ADRM1: variants seen among roughly 807,000 people sequenced by gnomAD.
ADRM1 encodes proteasomal ubiquitin receptor ADRM1.
In ADRM1, 2 loss-of-function variants were observed where a neutral mutation model predicts 40.1. The ratio of observed to expected loss-of-function variants is 0.05; its 90% CI spans 0.02 to 0.16. ADRM1 has a LOEUF of 0.16. Among genes scored for constraint, ADRM1 ranks in the 10% least tolerant of loss-of-function variants. ADRM1 has a pLI of 1.00. For missense variants in ADRM1, 467 were observed against 552.5 expected (o/e 0.85, Z 1.55); for synonymous variants, 287 against 240.4 (o/e 1.19, Z -1.79).
In ADRM1 at chr20:62,308,461, A is replaced by G. The variant is rs756841363; in HGVS notation, c.1108A>G (p.Asn370Asp). The stretch of plus-strand genomic sequence containing the variant: ...GCCTGCAGAGGCTGTGGAGGCCGCC[A>G]ACAAGGGCGGTAAGTGGCTGCGCCT... Reference protein sequence around the residue: ...GLPAEAVEAANKGDVEAFAKA... With the variant: ...GLPAEAVEAADKGDVEAFAKA... The change falls in exon 9 of 10, where the codon AAC (asparagine) becomes GAC (aspartate). Residue 370 changes from asparagine to aspartate, a missense_variant. This residue lies in a region of ADRM1 where 418 missense variants were observed against 474.6 expected (regional missense o/e 0.88). Coordinates refer to ENST00000253003, the MANE Select transcript of ADRM1 (RefSeq NM_007002.4). 4.4e-6 allele frequency: 7 copies of G among 1,605,062 alleles called. No individual in the cohort carries two copies. Among genetic ancestry groups the G allele is most frequent in the Non-Finnish European group, 5.9e-6 (7 of 1,177,178 alleles).
intron 4 of ADRM1, 95 bp from the exon 5 acceptor site, chr20:62,306,553 A>G (rs952857217): frequency 2.2e-5 from 30 of 1,369,172 alleles, no homozygotes; most frequent in African/African-American, 2.9e-5. Flanking sequence ...GTTCAGGGGC[A>G]GCCGAGTGCG....
In ADRM1 at chr20:62,303,713, A is replaced by G. The variant is rs780084719; in HGVS notation, c.145A>G (p.Ile49Val). ...GGATAAGCGGAAAGGGCTGGTGTAC[A>G]TTCAGCAGACGGACGACTCGCTTAT... Reference protein sequence around the residue: ...TPDKRKGLVYIQQTDDSLIHF... With the variant: ...TPDKRKGLVYVQQTDDSLIHF... Residue 49 changes from isoleucine to valine, a missense_variant, in exon 2 of 10, where the codon ATT (isoleucine) becomes GTT (valine). Around this residue, in one of 3 missense-constraint regions of ADRM1, gnomAD observed 16 missense variants for 49.1 expected, o/e 0.33. Coordinates refer to ENST00000253003, the MANE Select transcript of ADRM1 (RefSeq NM_007002.4). The G allele has an allele frequency of 3.7e-6, 6 of 1,612,510 alleles. No homozygotes were observed. Among genetic ancestry groups the G allele is most frequent in the Non-Finnish European group, 5.1e-6 (6 of 1,179,966 alleles).
At position 62,307,771 on chromosome 20, in the gene ADRM1, C is replaced by T. The variant is rs1985316560; in HGVS notation, c.799C>T (p.Leu267Phe). The change falls in exon 7 of 10, where the codon CTC becomes TTC. Residue 267 changes from leucine to phenylalanine, a missense_variant. Transcript: ENST00000253003. ...SPTQPIQLSD[L>F]QSILATMNVP... is the part of the protein sequence containing the mutation. ...GACCCAGCCCATCCAGCTGAGCGAC[C>T]TCCAGAGCATCCTGGCCACGATGAA... The T allele has an allele frequency of 2.5e-6, 4 of 1,611,708 alleles. No individual in the cohort carries two copies. The highest frequency in any genetic ancestry group is 3.4e-6 in the Non-Finnish European group (4 of 1,179,718).
intron 7 of ADRM1, 37 bp from the exon 8 acceptor site, chr20:62,307,984 C>A (rs1413469085): frequency 1.9e-6 from 3 of 1,593,018 alleles, no homozygotes; most frequent in Admixed American, 3.4e-5. Context: ...GGCACTTAGG[C>A]TGTCATCGAG....
intron 6 of ADRM1, 34 bp downstream of exon 6, chr20:62,307,486 C>T (rs748764695): frequency 1.2e-5 from 19 of 1,603,732 alleles, no homozygotes; most frequent in Admixed American, 1.0e-4. Context: ...GCAGGTGCCA[C>T]GGTGTTAAGG....
At position 62,307,437 on chromosome 20, in the gene ADRM1, G is replaced by A. The variant is rs1985204168; in HGVS notation, c.608G>A (p.Ser203Asn). 5 of 1,609,366 alleles carry A rather than the reference G, an allele frequency of 3.1e-6. No homozygotes were observed. The highest frequency in any genetic ancestry group is 4.2e-6 in the Non-Finnish European group (5 of 1,179,472). The change falls in exon 6 of 10, where the codon AGC (serine) becomes AAC (asparagine). Residue 203 changes from serine to asparagine, a missense_variant. By Grantham distance (46) the Ser-to-Asn change is conservative (BLOSUM62 1). This residue lies in a region of ADRM1 where 418 missense variants were observed against 474.6 expected (regional missense o/e 0.88). Transcript: ENST00000253003. Reference protein sequence around the residue: ...SLLGSSGPPGSSSSSSSRSQS... With the variant: ...SLLGSSGPPGNSSSSSSRSQS... ...CTGGGGAGCAGTGGGCCTCCAGGGA[G>A]CAGCTCCTCCTCCAGGTGAGCCTCA...
Position 62,307,808 on chromosome 20 carries a change from G to A in ADRM1, c.836G>A (p.Gly279Glu), listed in dbSNP as rs543223102. The A allele has an allele frequency of 3.5e-4, 565 of 1,608,680 alleles. 3 individuals carry two copies. The South Asian group carries it at 5.0e-3, about 14-fold the overall frequency. Residue 279 changes from glycine (G) to glutamate (E), a missense_variant, in exon 7 of 10, where the codon GGG becomes GAG. Physicochemically the swap from Gly to Glu is moderately conservative, Grantham distance 98 (BLOSUM62 -2). Around this residue, in one of 3 missense-constraint regions of ADRM1, gnomAD observed 418 missense variants for 474.6 expected, o/e 0.88. Coordinates refer to ENST00000253003, the MANE Select transcript of ADRM1 (RefSeq NM_007002.4). ...CTGGCCACGATGAACGTACCAGCCGGGCCAGCAGGCGGCCAGCAAGGTAAC... is the reference window on the plus strand; with the variant it reads ...CTGGCCACGATGAACGTACCAGCCGAGCCAGCAGGCGGCCAGCAAGGTAAC... ...SILATMNVPA[G>E]PAGGQQVDLA...
At chr20:62,303,322 G>A (rs1322729764) in intron 1 of ADRM1, 1 of 354,816 alleles carries the variant, frequency 2.8e-6, no homozygotes, top group Non-Finnish European at 5.1e-6. Flanking sequence ...GTGCCCCGCG[G>A]AGACGGCGTC....
In ADRM1 at chr20:62,308,104, T is replaced by G; in HGVS notation, c.940T>G (p.Leu314Val). The G allele has an allele frequency of 2.5e-6, 4 of 1,611,472 alleles. No individual in the cohort carries two copies. Among genetic ancestry groups the G allele is most frequent in the Non-Finnish European group, 3.4e-6 (4 of 1,179,874 alleles). The change falls in exon 8 of 10, where the codon TTG becomes GTG. Residue 314 changes from leucine to valine, a missense_variant. Around this residue, in one of 3 missense-constraint regions of ADRM1, gnomAD observed 418 missense variants for 474.6 expected, o/e 0.88. Coordinates refer to ENST00000253003, the MANE Select transcript of ADRM1 (RefSeq NM_007002.4). The part of the protein sequence containing the change: ...ADVQERLLPY[L>V]PSGESLPQTA... ...TGTCCAGGAGCGCCTGCTTCCCTACTTGCCATCTGGGGAGTCGCTGCCGCA... is the reference window on the plus strand; with the variant it reads ...TGTCCAGGAGCGCCTGCTTCCCTACGTGCCATCTGGGGAGTCGCTGCCGCA...
Position 62,306,581 on chromosome 20 carries a change from A to G in ADRM1, c.455-67A>G, listed in dbSNP as rs547064946. On this transcript the variant is annotated intron_variant, in intron 4 of 9. Coordinates refer to ENST00000253003, the MANE Select transcript of ADRM1 (RefSeq NM_007002.4). ...CGAGTGCGGTGCTCAGCAGAGGCGC[A>G]GGCAGTGCGGTGGGGCCCGCGTGGA... 1.4e-5 allele frequency: 20 copies of G among 1,473,692 alleles called. No homozygotes were observed. The African/African-American group carries it at 1.9e-4, about 14-fold the overall frequency. The allele number at this position is 1,473,692 out of a possible 1,614,324, so 91.3% of individuals were successfully genotyped here. A position where few individuals can be genotyped will look rare whatever the true frequency, so the allele number is the denominator to read the frequency against.
chr20:62,308,244 C>G, intron 8 of ADRM1, 66 bp downstream of exon 8: 2 of 1,545,862 alleles, frequency 1.3e-6, no homozygotes, highest in South Asian at 2.3e-5. Flanking sequence ...GAGGAGGAGG[C>G]CCTGCCCCAC....
intron 3 of ADRM1, 101 bp downstream of exon 3, chr20:62,304,678 G>GCCGGCCACAC (rs535458913): frequency 3.3e-6 from 4 of 1,197,466 alleles, no homozygotes; most frequent in East Asian, 4.8e-5. Context: ...ACCAGCAGGC[G>GCCGGCCACAC]CCGGCCACAC....
At chr20:62,307,238 T>G in intron 5 of ADRM1, 133 bp from the exon 6 acceptor site, 1 of 852,218 alleles carries the variant, frequency 1.2e-6, no homozygotes, top group Non-Finnish European at 1.8e-6. Flanking sequence ...CCTCCAGGCC[T>G]GTGGGTCCCC....
intron 1 of ADRM1, 133 bp from the exon 2 acceptor site, chr20:62,303,435 C>T (rs755876693): frequency 1.9e-5 from 17 of 897,740 alleles, no homozygotes; most frequent in Non-Finnish European, 2.9e-5. Context: ...GAAAGGCAGC[C>T]CGGCGTGTCT....
intron 7 of ADRM1, 44 bp downstream of exon 7, chr20:62,307,872 C>T (rs753509084): frequency 1.0e-5 from 16 of 1,568,648 alleles, no homozygotes; most frequent in Non-Finnish European, 1.4e-5. Flanking sequence ...GGCATGGGGC[C>T]TGCTGACCCT....
intron 1 of ADRM1, 32 bp from the exon 2 acceptor site, chr20:62,303,536 G>A (rs759857741): frequency 1.9e-6 from 3 of 1,541,852 alleles, no homozygotes; most frequent in East Asian, 2.3e-5. Context: ...GACAGTGACC[G>A]CCGCGTCTCA....
rs553715029 is a variant in ADRM1 at position 62,303,179 on chromosome 20, G to A, written c.-2+130G>A. 8.1e-4 allele frequency: 127 copies of A among 156,442 alleles called. No individual in the cohort carries two copies. In the East Asian group the frequency reaches 0.014, roughly 18 times the overall value. 9.7% of individuals were successfully genotyped at this position (156,442 alleles called of 1,614,324 possible). ...GGCGCGGCGGGTGGGGCCTGCGGGG[G>A]CCGGGCCGGGCGGGGGTTCTGGGGT... On this transcript the variant is annotated intron_variant, in intron 1 of 9. Coordinates refer to ENST00000253003, the MANE Select transcript of ADRM1 (RefSeq NM_007002.4).
At position 62,307,440 on chromosome 20, in the gene ADRM1, G is replaced by C. The variant is rs760667216; in HGVS notation, c.611G>C (p.Ser204Thr). The change falls in exon 6 of 10, where the codon AGC becomes ACC. Residue 204 changes from serine (S) to threonine (T), a missense_variant. Physicochemically the swap from Ser to Thr is moderately conservative, Grantham distance 58. This residue lies in a region of ADRM1 where 418 missense variants were observed against 474.6 expected (regional missense o/e 0.88). Transcript: ENST00000253003. ...LLGSSGPPGS[S>T]SSSSSRSQSA... ...GGGAGCAGTGGGCCTCCAGGGAGCA[G>C]CTCCTCCTCCAGGTGAGCCTCATCG... 1.9e-6 allele frequency: 3 copies of C among 1,609,350 alleles called. No individual in the cohort carries two copies. The highest frequency in any genetic ancestry group is 1.7e-6 in the Non-Finnish European group (2 of 1,179,486).
Position 62,308,113 on chromosome 20 carries a change from G to T in ADRM1, c.949G>T (p.Gly317Trp). ...QERLLPYLPSGESLPQTADEI... is the reference protein window; with the variant it reads ...QERLLPYLPSWESLPQTADEI... ...GCGCCTGCTTCCCTACTTGCCATCT[G>T]GGGAGTCGCTGCCGCAGACCGCGGA... is the stretch of plus-strand genomic sequence containing the variant. The change falls in exon 8 of 10, where the codon GGG (glycine) becomes TGG (tryptophan). Residue 317 changes from glycine to tryptophan, a missense_variant. Gly to Trp is a radical substitution (Grantham distance 184, BLOSUM62 -2). Around this residue, in one of 3 missense-constraint regions of ADRM1, gnomAD observed 418 missense variants for 474.6 expected, o/e 0.88. Coordinates refer to ENST00000253003, the MANE Select transcript of ADRM1 (RefSeq NM_007002.4). The T allele has an allele frequency of 6.2e-7, 1 of 1,610,958 alleles. No individual in the cohort carries two copies. The highest frequency in any genetic ancestry group is 8.5e-7 in the Non-Finnish European group (1 of 1,179,864).
Sources: gnomAD v4.1 joint callset for allele counts on GRCh38, gnomAD v4.1.1 for gene constraint, gnomAD v4.1.1 regional missense constraint, MANE v1.5 for transcripts, NCBI Gene and HGNC (gene_info 2026-07-23, HGNC 2026-07-21) for gene names.